ANK1: variants seen among roughly 807,000 people sequenced by gnomAD.
ANK1 encodes ankyrin-1.
Under a neutral mutation model 210.4 loss-of-function variants are expected in ANK1, and 51 were observed. The ratio of observed to expected loss-of-function variants is 0.24; its 90% confidence interval spans 0.19 to 0.31. The LOEUF (loss-of-function observed/expected upper bound fraction) is 0.31, where lower values mean the gene tolerates loss of function less well. Among genes scored for constraint, ANK1 ranks in the 10% least tolerant of loss-of-function variants. The pLI, the probability that ANK1 is intolerant of heterozygous loss-of-function variation, is 1.00. For missense variants in ANK1, 2,051 were observed against 2,504.4 expected, an observed-to-expected ratio of 0.82 and a Z score of 3.86; for synonymous variants, 967 against 1,025.9, an observed-to-expected ratio of 0.94 and a Z score of 1.10.
intron 34 of ANK1, 113 bp from the exon 35 acceptor site, chr8:41,688,343 G>T: frequency 6.9e-7 from 1 of 1,441,536 alleles, no homozygotes; most frequent in Non-Finnish European, 9.7e-7. Context: ...TGATTGTCTA[G>T]ACTCTCTGCA....
At chr8:41,896,629 G>C in exon 1 of ANK1, 1 of 1,144,244 alleles carries the variant, frequency 8.7e-7, no homozygotes, top group Non-Finnish European at 1.1e-6. Context: ...CTGCGGGGTC[G>C]CGGGAAGGCG....
intron 18 of ANK1, 101 bp downstream of exon 18, chr8:41,706,042 G>T: frequency 1.8e-6 from 2 of 1,126,670 alleles, no homozygotes; most frequent in Non-Finnish European, 2.7e-6. Context: ...AGAGAAGAAT[G>T]TCCCACTGGG....
chr8:41,661,749 C>A, intron 41 of ANK1, 127 bp downstream of exon 41: 1 of 1,609,382 alleles, frequency 6.2e-7, no homozygotes. Flanking sequence ...CCCGGCAGAG[C>A]AAGGCAGCAG....
intron 1 of ANK1, among the ~76,000 whole-genome samples, chr8:41,874,535 C>T (rs1816198179): frequency 6.6e-6 from 1 of 152,210 alleles, no homozygotes; most frequent in Non-Finnish European, 1.5e-5. Flanking sequence ...GGTAAGCATC[C>T]ACTTCTTTCA....
At chr8:41,689,666 A>G (rs2150584871) in intron 33 of ANK1, among the ~76,000 whole-genome samples, 1 of 152,280 alleles carries the variant, frequency 6.6e-6, no homozygotes, top group East Asian at 1.9e-4. Flanking sequence ...ATACTCTTAC[A>G]GGTATCGACA....
intron 1 of ANK1, among the ~76,000 whole-genome samples, chr8:41,786,785 T>C (rs896959465): frequency 2.6e-5 from 4 of 152,184 alleles, no homozygotes; most frequent in Non-Finnish European, 1.5e-5. Flanking sequence ...CGATGGAGCC[T>C]GGAAATTCAA....
At chr8:41,743,842 G>T (rs559559091) in intron 2 of ANK1, among the ~76,000 whole-genome samples, 2 of 152,164 alleles carry the variant, frequency 1.3e-5, no homozygotes, top group Non-Finnish European at 2.9e-5. Flanking sequence ...AGCTGTAGAC[G>T]TAGTTAGCAG....
chr8:41,696,569 C>T lies in ANK1; in HGVS notation c.2754G>A (p.Met918Ile), dbSNP rs895336942. The T allele has an allele frequency of 2.7e-5, 43 of 1,613,906 alleles. No homozygotes were observed. Among genetic ancestry groups the T allele is most frequent in the Non-Finnish European group, 3.3e-5 (39 of 1,180,038 alleles). The change falls in exon 26 of 43, where the codon ATG becomes ATA. Residue 918 changes from methionine (M) to isoleucine (I), a missense_variant. Physicochemically the swap from Met to Ile is conservative, Grantham distance 10. Transcript: ENST00000289734. ...TCATGGAACCACCCCGGGCGTCAACCATGAAGCTCACCAGAAACCTAGGAG... is the reference window on the plus strand; with the variant it reads ...TCATGGAACCACCCCGGGCGTCAACTATGAAGCTCACCAGAAACCTAGGAG... ...PVHTGFLVSF[M>I]VDARGGSMRG...
chr8:41,780,452 G>T (rs957750373), intron 1 of ANK1, among the ~76,000 whole-genome samples: 1 of 152,354 alleles, frequency 6.6e-6, no homozygotes, highest in Admixed American at 6.5e-5. Flanking sequence ...ACTCACCAGA[G>T]AGCCTTCAGC....
chr8:41,882,285 G>A (rs1045484443), intron 1 of ANK1, among the ~76,000 whole-genome samples: 2 of 152,048 alleles, frequency 1.3e-5, no homozygotes, highest in Admixed American at 6.5e-5. Flanking sequence ...CAGGCCCCAC[G>A]CCCTGGGGCT....
intron 1 of ANK1, among the ~76,000 whole-genome samples, chr8:41,866,924 A>G (rs1364464664): frequency 6.6e-6 from 1 of 152,250 alleles, no homozygotes; most frequent in Admixed American, 6.5e-5. Flanking sequence ...ACATGGGTGT[A>G]CAAATATCTG....
intron 1 of ANK1, among the ~76,000 whole-genome samples, chr8:41,825,113 C>T (rs895561921): frequency 6.6e-5 from 10 of 152,242 alleles, no homozygotes; most frequent in African/African-American, 2.4e-4. Flanking sequence ...CGGCTACTTC[C>T]AGGTGGAAAC....
chr8:41,818,580 T>C (rs1431102082), intron 1 of ANK1, among the ~76,000 whole-genome samples: 1 of 147,504 alleles, frequency 6.8e-6, no homozygotes, highest in Non-Finnish European at 1.5e-5. Flanking sequence ...TAAGTCTTTC[T>C]TTCTTTCTTT....
chr8:41,879,319 G>T (rs1255668186), intron 1 of ANK1, among the ~76,000 whole-genome samples: 3 of 152,206 alleles, frequency 2.0e-5, no homozygotes, highest in African/African-American at 7.2e-5. Flanking sequence ...AGATAATGAA[G>T]GTGGCATCTA....
intron 35 of ANK1, 147 bp downstream of exon 35, chr8:41,688,009 G>C (rs1035150260): frequency 3.0e-6 from 3 of 991,752 alleles, no homozygotes; most frequent in Admixed American, 1.8e-5. Flanking sequence ...TGTGGCTTGG[G>C]CAGCAGACCC....
At position 41,894,517 on chromosome 8, in the gene ANK1, G is replaced by T. The variant is rs1820057137; in HGVS notation, c.126+1838C>A. The stretch of plus-strand genomic sequence containing the variant: ...TTTGGAATTCAGAGTTATATTAAAG[G>T]GAATTTTCACAGAATGGAAAAGAAT... On this transcript the variant is annotated intron_variant, in intron 1 of 42. Coordinates refer to the ANK1 transcript ENST00000265709. 2.0e-5 allele frequency among the ~76,000 whole-genome samples: 3 copies of T among 152,260 alleles called. No individual in the cohort carries two copies. The South Asian group carries it at 6.2e-4, about 32-fold the overall frequency.
At position 41,892,011 on chromosome 8, in the gene ANK1, G is replaced by C. The variant is rs117151555; in HGVS notation, c.126+4344C>G. ...AGATTAAAGATGTGTGATGAGCACT[G>C]TTCTCTTTCAATTTTGTCGGCAATC... is the stretch of plus-strand genomic sequence containing the variant. On this transcript the variant is annotated intron_variant, in intron 1 of 42. Coordinates refer to the ANK1 transcript ENST00000265709. Among the ~76,000 whole-genome samples the C allele has an allele frequency of 7.0e-4, 106 of 152,342 alleles. 2 individuals carry two copies. The East Asian group carries it at 0.017, about 25-fold the overall frequency.
At chr8:41,659,617 A>G (rs1357516492) in intron 42 of ANK1, among the ~76,000 whole-genome samples, 1 of 152,172 alleles carries the variant, frequency 6.6e-6, no homozygotes, top group Non-Finnish European at 1.5e-5. Context: ...AGGGTAGGGC[A>G]TTTAATGCTG....
intron 9 of ANK1, 119 bp downstream of exon 9, chr8:41,723,006 G>GTA (rs2150651476): frequency 1.1e-6 from 1 of 898,198 alleles, no homozygotes; most frequent in African/African-American, 1.6e-5. Context: ...AAATGTCAAA[G>GTA]GTGCTATCTC....
Sources: allele counts gnomAD v4.1 joint callset (sites outside exome capture counted in the v4.1 genomes callset), GRCh38; gene constraint gnomAD v4.1.1; transcripts MANE v1.5; gene names NCBI Gene and HGNC (gene_info 2026-07-23, HGNC 2026-07-21).